PDZD8: variants seen among roughly 807,000 people sequenced by gnomAD.
The protein encoded by PDZD8 is PDZ domain containing 8.
In PDZD8, 14 loss-of-function variants were observed where a neutral mutation model predicts 85.8. The ratio of observed to expected loss-of-function variants is 0.16; its 90% CI spans 0.11 to 0.26. PDZD8 has a LOEUF of 0.26. Among genes scored for constraint, PDZD8 ranks in the 10% least tolerant of loss-of-function variants. The pLI is 1.00. For synonymous variants in PDZD8, 592 were observed against 568.6 expected (o/e 1.04, Z -0.59); for missense variants, 1,197 against 1,424.3 (o/e 0.84, Z 2.57).
Position 117,284,728 on chromosome 10 carries a change from T to C in PDZD8, c.2005A>G (p.Thr669Ala). ...TGACGGTCGTCCGAACTGTCCTTAG[T>C]AGGGCAGGAAGTTTCTGAAGTGACA... is the stretch of plus-strand genomic sequence containing the variant. ...KDVTSETSCP[T>A]KDSSDDRQTW... The change falls in exon 5 of 5, where the codon ACT becomes GCT. Residue 669 changes from threonine (T) to alanine (A), a missense_variant. By Grantham distance (58) the Thr-to-Ala change is moderately conservative. This residue lies in a region of PDZD8 where 263 missense variants were observed against 261.9 expected (regional missense o/e 1.00). Transcript: ENST00000334464. The C allele has an allele frequency of 1.2e-6, 2 of 1,614,216 alleles. No homozygotes were observed. Among genetic ancestry groups the C allele is most frequent in the Non-Finnish European group, 1.7e-6 (2 of 1,180,022 alleles).
chr10:117,345,447 G>A (rs1844688175), intron 1 of PDZD8, among the ~76,000 whole-genome samples: 1 of 152,152 alleles, frequency 6.6e-6, no homozygotes, highest in Non-Finnish European at 1.5e-5. Context: ...ATGCCCCTGG[G>A]TGCTGTTAAA....
chr10:117,305,414 A>AAAAC lies in PDZD8; in HGVS notation c.1098+13454_1098+13457dup, dbSNP rs1195531821. The stretch of plus-strand genomic sequence containing the variant: ...GGCAACAGAGCAAGACTCTGTCTCA[A>AAAAC]AAACAAACAAACAAACAAACAAAAT... On this transcript the variant is annotated intron_variant, in intron 3 of 4. Coordinates refer to ENST00000334464, the MANE Select transcript of PDZD8 (RefSeq NM_173791.5). 1.2e-4 allele frequency among the ~76,000 whole-genome samples: 18 copies of AAAAC among 151,614 alleles called. No homozygotes were observed. The South Asian group carries it at 1.5e-3, about 12-fold the overall frequency.
chr10:117,331,939 T>C (rs535123491), intron 2 of PDZD8, among the ~76,000 whole-genome samples: 1 of 152,332 alleles, frequency 6.6e-6, no homozygotes, highest in African/African-American at 2.4e-5. Context: ...AGTCTGCCTC[T>C]AGTCAAAAGC....
intron 1 of PDZD8, among the ~76,000 whole-genome samples, chr10:117,373,087 A>C (rs1461896023): frequency 6.6e-6 from 1 of 152,158 alleles, no homozygotes; most frequent in Non-Finnish European, 1.5e-5. Context: ...ACCGAAAGAG[A>C]AGTTAAAAAT....
intron 3 of PDZD8, among the ~76,000 whole-genome samples, chr10:117,291,027 G>A (rs184910654): frequency 3.3e-4 from 50 of 150,974 alleles, no homozygotes; most frequent in African/African-American, 1.2e-3. Flanking sequence ...GCACCACTAC[G>A]CCTGGCAAGT....
intron 3 of PDZD8, among the ~76,000 whole-genome samples, chr10:117,310,396 C>T (rs1168378804): frequency 6.6e-6 from 1 of 152,150 alleles, no homozygotes; most frequent in Non-Finnish European, 1.5e-5. Flanking sequence ...TGCCTTACAC[C>T]TCATACTCAG....
chr10:117,312,714 T>C (rs1271018613), intron 3 of PDZD8, among the ~76,000 whole-genome samples: 1 of 152,204 alleles, frequency 6.6e-6, no homozygotes, highest in Non-Finnish European at 1.5e-5. Context: ...TTTATATGCT[T>C]CCATTAGTCA....
chr10:117,325,404 C>CTT lies in PDZD8; in HGVS notation c.996-6432_996-6431dup, dbSNP rs71013659. 4.6e-3 allele frequency among the ~76,000 whole-genome samples: 463 copies of CTT among 99,838 alleles called. 32 individuals are homozygous for CTT. Among genetic ancestry groups the CTT allele is most frequent in the African/African-American group, 0.014 (384 of 27,238 alleles). 65.5% of individuals were successfully genotyped at this position (99,838 alleles called of 152,430 possible). ...CTATCAAAAGTTCCAGAAAAGCCAA[C>CTT]TTTTTTTTTTTTTTTTGAGACAGAG... is the stretch of plus-strand genomic sequence containing the variant. On this transcript the variant is annotated intron_variant, in intron 2 of 4. Coordinates refer to ENST00000334464, the MANE Select transcript of PDZD8 (RefSeq NM_173791.5).
intron 1 of PDZD8, among the ~76,000 whole-genome samples, chr10:117,343,280 A>C (rs1844647673): frequency 1.3e-5 from 2 of 152,224 alleles, no homozygotes; most frequent in Non-Finnish European, 2.9e-5. Context: ...ATTTTAAGGA[A>C]ATGTTAAGTA....
At chr10:117,341,336 CAAAGA>C (rs1174975601) in intron 1 of PDZD8, among the ~76,000 whole-genome samples, 2 of 152,008 alleles carry the variant, frequency 1.3e-5, no homozygotes, top group East Asian at 1.9e-4. Context: ...CAAGAGAGAA[CAAAGA>C]AAAGAAAAGC....
At chr10:117,327,124 T>A (rs1844330676) in intron 2 of PDZD8, among the ~76,000 whole-genome samples, 1 of 152,106 alleles carries the variant, frequency 6.6e-6, no homozygotes, top group Non-Finnish European at 1.5e-5. Flanking sequence ...CAACAAAAAC[T>A]CAAAGAAATG....
intron 2 of PDZD8, among the ~76,000 whole-genome samples, chr10:117,326,016 A>G (rs993081943): frequency 1.3e-5 from 2 of 151,974 alleles, no homozygotes; most frequent in African/African-American, 4.8e-5. Context: ...CTCGCACTCA[A>G]TCTCTCTCCT....
At chr10:117,308,192 A>G (rs1049384769) in intron 3 of PDZD8, among the ~76,000 whole-genome samples, 6 of 152,060 alleles carry the variant, frequency 3.9e-5, no homozygotes, top group African/African-American at 1.4e-4. Context: ...ACTGATCTCC[A>G]TCCTCCTTAT....
At position 117,375,042 on chromosome 10, in the gene PDZD8, G is replaced by C; in HGVS notation, c.186C>G (p.Gly62=). The change falls in exon 1 of 5, where the codon GGC becomes GGG. Residue 62 remains glycine, a synonymous_variant. Coordinates refer to ENST00000334464, the MANE Select transcript of PDZD8 (RefSeq NM_173791.5). ...CGGAGGGCTCCTCATCCCGGCCGCC[G>C]CCATAAAGGTACTCCCTTAGGAGCA... The part of the protein sequence containing the change: ...PGLLLREYLY[G]GGRDEEPSGA... 6.3e-7 allele frequency: 1 copy of C among 1,595,332 alleles called. No individual in the cohort carries two copies. The highest frequency in any genetic ancestry group is 8.5e-7 in the Non-Finnish European group (1 of 1,172,356).
rs1356296518 is a variant in PDZD8 at position 117,280,832 on chromosome 10, T to C, written c.*2436A>G. 1 of 152,242 alleles carries C rather than the reference T, an allele frequency of 6.6e-6. No homozygotes were observed. The highest frequency in any genetic ancestry group is 1.5e-5 in the Non-Finnish European group (1 of 68,048). The allele number at this position is 152,242 out of a possible 1,614,324, so 9.4% of individuals were successfully genotyped here. On this transcript the variant is annotated 3_prime_UTR_variant, in exon 5 of 5. Transcript: ENST00000334464. ...TATAAAACCAAAGTTTTGCATTATTTCAACAGCTCTTTCAAATGCATCAGT... is the reference window on the plus strand; with the variant it reads ...TATAAAACCAAAGTTTTGCATTATTCCAACAGCTCTTTCAAATGCATCAGT...
chr10:117,353,419 G>A (rs1399168104), intron 1 of PDZD8, among the ~76,000 whole-genome samples: 1 of 152,038 alleles, frequency 6.6e-6, no homozygotes, highest in African/African-American at 2.4e-5. Context: ...CAGAAGGAAG[G>A]GGTAAACAAG....
intron 1 of PDZD8, among the ~76,000 whole-genome samples, chr10:117,343,800 AC>A (rs2133851323): frequency 6.6e-6 from 1 of 152,362 alleles, no homozygotes; most frequent in East Asian, 1.9e-4. Flanking sequence ...AAATGAATAT[AC>A]TAAACGGTGG....
At chr10:117,300,732 G>A (rs1843832559) in intron 3 of PDZD8, among the ~76,000 whole-genome samples, 2 of 152,154 alleles carry the variant, frequency 1.3e-5, no homozygotes, top group South Asian at 2.1e-4. Flanking sequence ...GGTCATGAGG[G>A]TGGAGCCCTC....
Position 117,278,536 on chromosome 10 carries a change from A to G in PDZD8, c.*4732T>C, listed in dbSNP as rs1309088056. On this transcript the variant is annotated 3_prime_UTR_variant, in exon 5 of 5. Coordinates refer to ENST00000334464, the MANE Select transcript of PDZD8 (RefSeq NM_173791.5). ...CATTGTCAATTTATGTCATTTTGTTAAGAGATATGACTGGAGTGTGCAGTG... is the reference window on the plus strand; with the variant it reads ...CATTGTCAATTTATGTCATTTTGTTGAGAGATATGACTGGAGTGTGCAGTG... The G allele has an allele frequency of 1.3e-5, 2 of 152,204 alleles. No homozygotes were observed. Among genetic ancestry groups the G allele is most frequent in the Non-Finnish European group, 2.9e-5 (2 of 68,040 alleles). The allele number at this position is 152,204 out of a possible 1,614,324, so 9.4% of individuals were successfully genotyped here.
Sources: gnomAD v4.1 joint callset for allele counts (sites outside exome capture counted in the v4.1 genomes callset) on GRCh38, gnomAD v4.1.1 for gene constraint, gnomAD v4.1.1 regional missense constraint, MANE v1.5 for transcripts, NCBI Gene and HGNC (gene_info 2026-07-23, HGNC 2026-07-21) for gene names.